Variants in SMOC2 observed in about 807,000 individuals in gnomAD.
SMOC2 encodes SPARC related modular calcium binding 2.
Under a neutral mutation model 61.4 loss-of-function variants are expected in SMOC2, and 39 were observed. The observed-to-expected ratio is 0.64, with a 90% confidence interval of 0.49 to 0.83. The LOEUF (loss-of-function observed/expected upper bound fraction) is 0.83, where lower values mean the gene tolerates loss of function less well. Ranked by LOEUF, SMOC2 falls within the 40% of genes least tolerant of loss-of-function variation. The pLI is 0.00. For missense variants in SMOC2, 556 were observed against 592.9 expected (o/e 0.94, Z 0.65); for synonymous variants, 247 against 239.9 (o/e 1.03, Z -0.27).
At chr6:168,619,779 CAGTCCGGACAGAGGGGACTCTGCCTGG>C (rs2115229199) in intron 9 of SMOC2, among the ~76,000 whole-genome samples, 1 of 152,356 alleles carries the variant, frequency 6.6e-6, no homozygotes, top group South Asian at 2.1e-4. Flanking sequence ...ACAGTGAGGC[CAGTCCGGACAGAGGGGACTCTGCCTGG>C]AGTCGGAAGG....
chr6:168,441,381 C>G lies in SMOC2; in HGVS notation c.11C>G (p.Pro4Arg). 1 of 1,507,724 alleles carries G rather than the reference C, an allele frequency of 6.6e-7. No individual in the cohort carries two copies. Among genetic ancestry groups the G allele is most frequent in the Non-Finnish European group, 8.8e-7 (1 of 1,133,610 alleles). 93.4% of individuals were successfully genotyped at this position (1,507,724 alleles called of 1,614,324 possible). The part of the protein sequence containing the change: MLL[P>R]QLCWLPLLAG... ...GCCACCTCCGCCACCATGCTGCTCC[C>G]CCAGCTCTGCTGGCTGCCGCTGCTC... Residue 4 changes from proline to arginine, a missense_variant, in exon 1 of 13, where the codon CCC (proline) becomes CGC (arginine). Pro to Arg is a moderately radical substitution (Grantham distance 103, BLOSUM62 -2). Transcript: ENST00000356284.
chr6:168,531,881 C>A (rs1783611119), intron 4 of SMOC2, among the ~76,000 whole-genome samples: 1 of 152,170 alleles, frequency 6.6e-6, no homozygotes, highest in Non-Finnish European at 1.5e-5. Context: ...GCCTTGAATT[C>A]CTATTTACAC....
intron 1 of SMOC2, among the ~76,000 whole-genome samples, chr6:168,480,561 C>T (rs1179355360): frequency 6.6e-6 from 1 of 151,846 alleles, no homozygotes; most frequent in African/African-American, 2.4e-5. Flanking sequence ...AAATGGAAAT[C>T]ACTGAGTCTG....
chr6:168,532,907 C>T (rs1459964447), intron 4 of SMOC2, among the ~76,000 whole-genome samples: 1 of 152,230 alleles, frequency 6.6e-6, no homozygotes. Context: ...CCACCTGACA[C>T]AGCTGTGTCT....
chr6:168,527,488 C>CA (rs1783482341), intron 3 of SMOC2, 140 bp from the exon 4 acceptor site: 1 of 639,392 alleles, frequency 1.6e-6, no homozygotes, highest in Non-Finnish European at 2.8e-6. Context: ...ACCGAGGACT[C>CA]AAATGCAGCC....
At position 168,527,699 on chromosome 6, in the gene SMOC2, C is replaced by T. The variant is rs1026946294; in HGVS notation, c.435C>T (p.Ala145=). The part of the protein sequence containing the change: ...TPNGRPISGT[A]VAHKTPRCPG... ...ACGGGAGGCCCATCAGCGGCACTGC[C>T]GTGGCCCACAAGACGCCCCGGTGCC... Residue 145 remains alanine (A), a synonymous_variant, in exon 4 of 13, where the codon GCC becomes GCT. Coordinates refer to ENST00000356284, the MANE Select transcript of SMOC2 (RefSeq NM_001166412.2). 53 of 1,551,840 alleles carry T rather than the reference C, an allele frequency of 3.4e-5. No individual in the cohort carries two copies. The highest frequency in any genetic ancestry group is 1.7e-4 in the Middle Eastern group (1 of 5,896).
intron 1 of SMOC2, among the ~76,000 whole-genome samples, chr6:168,489,866 G>A (rs1782430083): frequency 6.9e-6 from 1 of 144,028 alleles, no homozygotes; most frequent in Admixed American, 7.1e-5. Flanking sequence ...GGTCCTCTTG[G>A]ATCACAGTTT....
At chr6:168,497,238 C>A (rs1165590460) in intron 1 of SMOC2, among the ~76,000 whole-genome samples, 5 of 152,304 alleles carry the variant, frequency 3.3e-5, no homozygotes, top group Non-Finnish European at 7.4e-5. Flanking sequence ...CTGGGAGCCT[C>A]AGCTGTGCGT....
intron 12 of SMOC2, chr6:168,664,617 G>A (rs146449328): frequency 1.2e-5 from 5 of 425,052 alleles, no homozygotes; most frequent in Middle Eastern, 3.6e-4. Context: ...GTGCATTTCT[G>A]CTTCTTTTGG....
chr6:168,509,890 C>G, intron 1 of SMOC2, 25 bp from the exon 2 acceptor site: 1 of 1,577,036 alleles, frequency 6.3e-7, no homozygotes, highest in Non-Finnish European at 8.7e-7. Context: ...TTAAATTTGT[C>G]TGGCTTCTTT....
intron 2 of SMOC2, among the ~76,000 whole-genome samples, chr6:168,510,809 C>A (rs190126091): frequency 1.5e-4 from 23 of 152,316 alleles, no homozygotes; most frequent in African/African-American, 5.5e-4. Flanking sequence ...CTTGCTCTTC[C>A]TTTCATAATG....
chr6:168,581,964 C>T (rs562595175), intron 7 of SMOC2, among the ~76,000 whole-genome samples: 3 of 152,164 alleles, frequency 2.0e-5, no homozygotes, highest in Non-Finnish European at 4.4e-5. Context: ...GTGGCCTGCC[C>T]CACCATCCCC....
At chr6:168,585,116 C>T (rs1049725731) in intron 7 of SMOC2, among the ~76,000 whole-genome samples, 1 of 152,176 alleles carries the variant, frequency 6.6e-6, no homozygotes, top group Non-Finnish European at 1.5e-5. Context: ...CGCCACCACA[C>T]ACAGTGAATT....
rs1469159119 is a variant in SMOC2, at chr6:168,659,943, G to A, written c.1286-4131G>A. On this transcript the variant is annotated intron_variant, in intron 11 of 12. Transcript: ENST00000356284. The stretch of plus-strand genomic sequence containing the variant: ...GGAGGTTGTAGGCTGGGTGAGGGTG[G>A]AGGTTGTAGGTTGGGTGAGGTTGTA... Among the ~76,000 whole-genome samples the A allele has an allele frequency of 2.2e-4, 32 of 146,218 alleles. No homozygotes were observed. The East Asian group carries it at 2.9e-3, about 13-fold the overall frequency.
intron 4 of SMOC2, among the ~76,000 whole-genome samples, chr6:168,536,752 G>C (rs1035034059): frequency 1.3e-5 from 2 of 152,252 alleles, no homozygotes; most frequent in South Asian, 4.1e-4. Context: ...GACCTGGGCC[G>C]TGCCGTCCCT....
intron 1 of SMOC2, among the ~76,000 whole-genome samples, chr6:168,454,091 C>A (rs1311669593): frequency 6.6e-6 from 1 of 151,962 alleles, no homozygotes; most frequent in South Asian, 2.1e-4. Flanking sequence ...CATCTATTTC[C>A]CTATCTTTAT....
chr6:168,468,805 A>G (rs1378261227), intron 1 of SMOC2, among the ~76,000 whole-genome samples: 1 of 152,216 alleles, frequency 6.6e-6, no homozygotes, highest in African/African-American at 2.4e-5. Context: ...AAGTGCTGGG[A>G]TTACAGACCT....
chr6:168,619,170 G>A (rs1256021659), intron 9 of SMOC2, among the ~76,000 whole-genome samples: 1 of 152,130 alleles, frequency 6.6e-6, no homozygotes. Flanking sequence ...TTCCTTTAGA[G>A]CCAGATTTTT....
At chr6:168,641,347 C>T (rs1786886404) in intron 9 of SMOC2, among the ~76,000 whole-genome samples, 1 of 152,186 alleles carries the variant, frequency 6.6e-6, no homozygotes, top group South Asian at 2.1e-4. Context: ...CTGACGTCAA[C>T]CTTACCTGTA....
Sources: allele counts gnomAD v4.1 joint callset (sites outside exome capture counted in the v4.1 genomes callset), GRCh38; gene constraint gnomAD v4.1.1; transcripts MANE v1.5; gene names NCBI Gene and HGNC (gene_info 2026-07-23, HGNC 2026-07-21).